The following HAUS5 variants were observed in gnomAD, a reference collection of about 807,000 sequenced individuals.
The protein encoded by HAUS5 is HAUS augmin like complex subunit 5.
A neutral mutation model predicts 94.1 loss-of-function variants in HAUS5; 67 were observed. The observed-to-expected ratio is 0.71, with a 90% CI of 0.58 to 0.87. The LOEUF is 0.87. HAUS5 is among the 40% of genes least tolerant of loss of function. The pLI is 0.00. For missense variants in HAUS5, 739 were observed against 825.6 expected, an observed-to-expected ratio of 0.90 and a Z score of 1.29; for synonymous variants, 339 against 355.4, an observed-to-expected ratio of 0.95 and a Z score of 0.52.
chr19:35,619,922 CCCACCTTGAAGTTCCTGGGCCCCCAGAG>C, intron 15 of HAUS5, 62 bp from the exon 16 acceptor site: 8 of 1,544,854 alleles, frequency 5.2e-6, no homozygotes, highest in Non-Finnish European at 7.0e-6. Context: ...AGTCCCCAGA[CCCACCTTGAAGTTCCTGGGCCCCCAGAG>C]CCTCCAGAAC....
In HAUS5 at chr19:35,612,854, G is replaced by T. The variant is rs1391371952; in HGVS notation, c.60G>T (p.Val20=). 6.5e-7 allele frequency: 1 copy of T among 1,547,118 alleles called. No individual in the cohort carries two copies. Among genetic ancestry groups the T allele is most frequent in the South Asian group, 1.2e-5 (1 of 83,652 alleles). ...LGCWAVEEMG[V]PVAARAPEST... ...GCTGGGCGGTCGAAGAGATGGGGGT[G>T]CCCGTGGCGGCCCGGGCCCCGGAAT... The change falls in exon 1 of 19, where the codon GTG becomes GTT. Residue 20 remains valine, a synonymous_variant. Transcript: ENST00000203166.
chr19:35,620,348 CA>C, intron 17 of HAUS5, 21 bp downstream of exon 17: 1 of 1,606,974 alleles, frequency 6.2e-7, no homozygotes, highest in Non-Finnish European at 8.5e-7. Context: ...CCTGCCACCC[CA>C]TCCAGCCTCC....
chr19:35,620,400 C>G, intron 17 of HAUS5, 73 bp downstream of exon 17: 1 of 1,412,918 alleles, frequency 7.1e-7, no homozygotes, highest in South Asian at 1.2e-5. Flanking sequence ...GAGTCCTTAC[C>G]AGCAACCCCG....
At chr19:35,621,935 A>G (rs1967214785) in intron 17 of HAUS5, among the ~76,000 whole-genome samples, 1 of 152,170 alleles carries the variant, frequency 6.6e-6, no homozygotes. Flanking sequence ...TTCTGTGCAC[A>G]TGGAGAGGTA....
intron 15 of HAUS5, 23 bp downstream of exon 15, chr19:35,619,781 C>G (rs915184388): frequency 8.5e-6 from 13 of 1,523,816 alleles, no homozygotes; most frequent in Non-Finnish European, 1.1e-5. Flanking sequence ...CTGCCCCACC[C>G]CTGCCCTGCA....
Position 35,620,206 on chromosome 19 carries a change from GC to G in HAUS5, c.1531del (p.Leu511SerfsTer29). The part of the protein sequence containing the change: ...GLPPGKASEL[L>X]LPAAASLRQD... The stretch of plus-strand genomic sequence containing the variant: ...CCCTCCTCCTCCAGGCCTCGGAGCT[GC>G]TCCTGCCGGCGGCTGCCTCTCTTCG... On this transcript the variant is annotated frameshift_variant, in exon 17 of 19. Transcript: ENST00000203166. LOFTEE classifies it high-confidence loss of function. 6.2e-7 allele frequency: 1 copy of G among 1,613,608 alleles called. No individual in the cohort carries two copies.
At position 35,615,212 on chromosome 19, in the gene HAUS5, CT is replaced by C. The variant is rs754505622; in HGVS notation, c.326-14del. ...GCGGGAAAGGTGCTGATGGCCACCC[CT>C]GTTCCTCCCACAGACACGGCCATGG... is the stretch of plus-strand genomic sequence containing the variant. On this transcript the variant is annotated splice_polypyrimidine_tract_variant and intron_variant, in intron 5 of 18. Coordinates refer to ENST00000203166, the MANE Select transcript of HAUS5 (RefSeq NM_015302.2). 3.1e-6 allele frequency: 5 copies of C among 1,613,458 alleles called. No individual in the cohort carries two copies. In the South Asian group the frequency reaches 3.3e-5, roughly 11 times the overall value.
rs754787106 is a variant in HAUS5 at position 35,618,557 on chromosome 19, C to A, written c.886-12C>A. ...GCCCTGGGTGTACCCTGATTCTGTA[C>A]CCCGCTTGCAGGAGGGCTGGCGGAC... On this transcript the variant is annotated splice_polypyrimidine_tract_variant and intron_variant, in intron 11 of 18. Transcript: ENST00000203166. 25 of 1,605,736 alleles carry A rather than the reference C, an allele frequency of 1.6e-5. No individual in the cohort carries two copies. In the East Asian group the frequency reaches 5.6e-4, roughly 36 times the overall value.
chr19:35,616,663 G>A (rs1023040119), intron 6 of HAUS5, among the ~76,000 whole-genome samples: 3 of 152,008 alleles, frequency 2.0e-5, no homozygotes, highest in South Asian at 2.1e-4. Flanking sequence ...GATTATAGGC[G>A]CATGCCACTG....
At chr19:35,619,366 A>G (rs1967164825) in intron 13 of HAUS5, 58 bp from the exon 14 acceptor site, 2 of 1,350,198 alleles carry the variant, frequency 1.5e-6, no homozygotes, top group African/African-American at 1.4e-5. Flanking sequence ...CTAAGCAGAG[A>G]GGCACACTGA....
chr19:35,618,270 GC>G (rs1967139317), intron 10 of HAUS5, 75 bp downstream of exon 10: 1 of 1,600,512 alleles, frequency 6.2e-7, no homozygotes, highest in East Asian at 2.2e-5. Flanking sequence ...AGGACCCCTG[GC>G]CCAGCCACCT....
At chr19:35,613,999 C>T (rs1276344452) in intron 3 of HAUS5, 36 bp from the exon 4 acceptor site, 1 of 1,613,288 alleles carries the variant, frequency 6.2e-7, no homozygotes, top group Non-Finnish European at 8.5e-7. Flanking sequence ...CCCTAGAAGC[C>T]CCACTCATCC....
At position 35,613,860 on chromosome 19, in the gene HAUS5, C is replaced by T. The variant is rs2071916982; in HGVS notation, c.162-8C>T. 6.2e-7 allele frequency: 1 copy of T among 1,614,120 alleles called. No homozygotes were observed. The highest frequency in any genetic ancestry group is 8.5e-7 in the Non-Finnish European group (1 of 1,179,980). ...ATAGTAACTCCTCTTTCTGCCTCTG[C>T]ACTGTAGGACTGTCAAGAAGATCCG... On this transcript the variant is annotated splice_region_variant and splice_polypyrimidine_tract_variant and intron_variant, in intron 2 of 18. Transcript: ENST00000203166.
In HAUS5 at chr19:35,612,764, AG is replaced by A; in HGVS notation, c.-28del. ...GCGGGCGCCACACTTGAAGAGGCTG[AG>A]GGAGGCGGTGTCGCCGCCGCGGCGC... is the stretch of plus-strand genomic sequence containing the variant. On this transcript the variant is annotated 5_prime_UTR_variant, in exon 1 of 19. Transcript: ENST00000203166. The A allele has an allele frequency of 6.6e-7, 1 of 1,505,618 alleles. No individual in the cohort carries two copies. The highest frequency in any genetic ancestry group is 9.0e-7 in the Non-Finnish European group (1 of 1,115,122). 93.3% of individuals were successfully genotyped at this position (1,505,618 alleles called of 1,614,324 possible).
Position 35,618,615 on chromosome 19 carries a change from T to C in HAUS5, c.932T>C (p.Leu311Pro). The change falls in exon 12 of 19, where the codon CTC becomes CCC. Residue 311 changes from leucine (L) to proline (P), a missense_variant. Physicochemically the swap from Leu to Pro is moderately conservative, Grantham distance 98. Transcript: ENST00000203166. ...VGVLVSQRST[L>P]LKERQVLTQR... The stretch of plus-strand genomic sequence containing the variant: ...GTGCTGGTCTCCCAGCGGAGCACCC[T>C]CCTGAAGGAGCGGCAAGTCTTGACC... The C allele has an allele frequency of 1.2e-6, 2 of 1,607,838 alleles. No homozygotes were observed. The highest frequency in any genetic ancestry group is 2.2e-5 in the South Asian group (2 of 90,728).
chr19:35,615,059 G>C lies in HAUS5; in HGVS notation c.237G>C (p.Glu79Asp). The part of the protein sequence containing the change: ...QDSPQVRRKL[E>D]LEAAVTRLRA... ...CCTCCCAGGTCCGTCGGAAGTTAGAGCTGGAAGCTGCTGTGACCCGCCTGC... is the reference window on the plus strand; with the variant it reads ...CCTCCCAGGTCCGTCGGAAGTTAGACCTGGAAGCTGCTGTGACCCGCCTGC... Residue 79 changes from glutamate to aspartate, a missense_variant, in exon 5 of 19, where the codon GAG becomes GAC. By Grantham distance (45) the Glu-to-Asp change is conservative. Transcript: ENST00000203166. The C allele has an allele frequency of 6.3e-7, 1 of 1,598,286 alleles. No homozygotes were observed. Among genetic ancestry groups the C allele is most frequent in the Non-Finnish European group, 8.5e-7 (1 of 1,172,414 alleles).
Position 35,617,328 on chromosome 19 carries a change from G to A in HAUS5, c.597G>A (p.Leu199=). The A allele has an allele frequency of 1.2e-6, 2 of 1,614,036 alleles. No individual in the cohort carries two copies. The highest frequency in any genetic ancestry group is 1.7e-6 in the Non-Finnish European group (2 of 1,179,904). The change falls in exon 8 of 19, where the codon CTG becomes CTA. Residue 199 remains leucine, a synonymous_variant. Transcript: ENST00000203166. ...RTACTLRAQF[L]QNLLLPQAKR... Reference sequence around the variant, plus strand: ...CCTGCACCCTCCGGGCCCAGTTCCTGCAGAACCTCCTGCTTCCCCAGGCCA... The same window carrying A: ...CCTGCACCCTCCGGGCCCAGTTCCTACAGAACCTCCTGCTTCCCCAGGCCA...
At position 35,619,596 on chromosome 19, in the gene HAUS5, C is replaced by CCCA; in HGVS notation, c.1261-16_1261-15insCAC. 6.4e-7 allele frequency: 1 copy of CCCA among 1,564,530 alleles called. No individual in the cohort carries two copies. Among genetic ancestry groups the CCCA allele is most frequent in the Non-Finnish European group, 8.7e-7 (1 of 1,146,780 alleles). On this transcript the variant is annotated splice_polypyrimidine_tract_variant and intron_variant, in intron 14 of 18. Coordinates refer to ENST00000203166, the MANE Select transcript of HAUS5 (RefSeq NM_015302.2). The stretch of plus-strand genomic sequence containing the variant: ...GTGATGTTGTGATGCCCCACCCACC[C>CCCA]CTCCCCTTCCCCACAGGTGCTAGCT...
chr19:35,618,429 C>T lies in HAUS5; in HGVS notation c.849C>T (p.Ser283=), dbSNP rs1411110368. 1.2e-6 allele frequency: 2 copies of T among 1,613,910 alleles called. No homozygotes were observed. The highest frequency in any genetic ancestry group is 2.2e-5 in the East Asian group (1 of 44,870). The change falls in exon 11 of 19, where the codon TCC becomes TCT. Residue 283 remains serine, a synonymous_variant. Transcript: ENST00000203166. ...SRPQAPDQSD[S]SQTLPSMVHL... ...CCCAGGCCCCGGACCAGTCAGACTC[C>T]AGCCAGACCCTGCCGTCCATGGTTC...
Sources: allele counts gnomAD v4.1 joint callset (sites outside exome capture counted in the v4.1 genomes callset), GRCh38; gene constraint gnomAD v4.1.1; transcripts MANE v1.5; gene names NCBI Gene and HGNC (gene_info 2026-07-23, HGNC 2026-07-21).